UBE2K: variants seen among roughly 807,000 people sequenced by gnomAD.
The protein encoded by UBE2K is ubiquitin-conjugating enzyme E2 K.
A neutral mutation model predicts 30.0 loss-of-function variants in UBE2K; 6 were observed. The observed-to-expected ratio is 0.20, with a 90% CI of 0.11 to 0.39. The LOEUF (loss-of-function observed/expected upper bound fraction) is 0.39. UBE2K is among the 10% of genes least tolerant of loss of function. The pLI is 1.00. For synonymous variants in UBE2K, 86 were observed against 83.7 expected (o/e 1.03, Z -0.15); for missense variants, 61 against 241.6 (o/e 0.25, Z 4.96).
At chr4:39,748,620 C>CAA (rs33918227) in intron 3 of UBE2K, among the ~76,000 whole-genome samples, 57 of 123,502 alleles carry the variant, frequency 4.6e-4, no homozygotes, top group African/African-American at 1.0e-3. Context: ...TCTCTAGTCC[C>CAA]AAAAAAAAAA....
At chr4:39,752,851 TAAG>T (rs1370971086) in intron 3 of UBE2K, among the ~76,000 whole-genome samples, 2 of 151,774 alleles carry the variant, frequency 1.3e-5, no homozygotes, top group Non-Finnish European at 2.9e-5. Flanking sequence ...GATTTTCAGA[TAAG>T]AAATACTCAG....
chr4:39,755,891 A>G, intron 4 of UBE2K, 152 bp downstream of exon 4: 1 of 537,818 alleles, frequency 1.9e-6, no homozygotes. Context: ...CTGAAAATGC[A>G]TTATAATTGA....
chr4:39,752,127 ATG>A (rs1354580402), intron 3 of UBE2K, among the ~76,000 whole-genome samples: 1 of 151,936 alleles, frequency 6.6e-6, no homozygotes. Flanking sequence ...GGTTTTTTGT[ATG>A]TGTTTGTTTT....
chr4:39,710,256 T>TCTGA (rs1560340668), intron 1 of UBE2K: 2 of 58,170 alleles, frequency 3.4e-5, no homozygotes, highest in Non-Finnish European at 6.1e-5. Flanking sequence ...ATGCCTACTG[T>TCTGA]CTGATTGATT....
intron 4 of UBE2K, among the ~76,000 whole-genome samples, chr4:39,762,184 AAATAAT>A (rs138206643): frequency 1.5e-4 from 21 of 143,872 alleles, no homozygotes; most frequent in Admixed American, 2.1e-4. Context: ...CATCTCAGTA[AAATAAT>A]AATAATAATA....
intron 1 of UBE2K, among the ~76,000 whole-genome samples, chr4:39,715,916 T>C (rs1033879071): frequency 1.3e-5 from 2 of 152,150 alleles, no homozygotes; most frequent in Non-Finnish European, 2.9e-5. Flanking sequence ...TCTTAACTTC[T>C]GTACTCAGGT....
Position 39,755,679 on chromosome 4 carries a change from G to T in UBE2K, c.239G>T (p.Trp80Leu). Reference sequence around the variant, plus strand: ...TAGGTCCGGTTTATCACTAAAATATGGCATCCTAATATTAGTTCCGTCACA... The same window carrying T: ...TAGGTCCGGTTTATCACTAAAATATTGCATCCTAATATTAGTTCCGTCACA... ...PPKVRFITKI[W>L]HPNISSVTGA... is the part of the protein sequence containing the mutation. Residue 80 changes from tryptophan to leucine, a missense_variant, in exon 4 of 7, where the codon TGG becomes TTG. Physicochemically the swap from Trp to Leu is moderately conservative, Grantham distance 61 (BLOSUM62 -2). Coordinates refer to ENST00000261427, the MANE Select transcript of UBE2K (RefSeq NM_005339.5). 6.2e-7 allele frequency: 1 copy of T among 1,601,848 alleles called. No homozygotes were observed. The highest frequency in any genetic ancestry group is 8.5e-7 in the Non-Finnish European group (1 of 1,176,736).
chr4:39,750,742 TTTTTA>T (rs1721212914), intron 3 of UBE2K, among the ~76,000 whole-genome samples: 1 of 151,472 alleles, frequency 6.6e-6, no homozygotes, highest in African/African-American at 2.4e-5. Context: ...TTTTACAAAA[TTTTTA>T]TTTTATTTTA....
intron 1 of UBE2K, among the ~76,000 whole-genome samples, chr4:39,734,271 A>G (rs897343094): frequency 2.6e-5 from 4 of 151,844 alleles, no homozygotes; most frequent in African/African-American, 7.3e-5. Flanking sequence ...ATGCCCGGCT[A>G]ATTTTTCCGG....
chr4:39,744,334 A>G (rs1401823462), intron 2 of UBE2K, among the ~76,000 whole-genome samples: 3 of 151,448 alleles, frequency 2.0e-5, no homozygotes, highest in Admixed American at 1.3e-4. Flanking sequence ...CACCATGCCC[A>G]GCTAATTTTT....
At position 39,705,039 on chromosome 4, in the gene UBE2K, GT is replaced by G. The variant is rs548491541; in HGVS notation, c.63+6658del. Among the ~76,000 whole-genome samples the G allele has an allele frequency of 3.6e-3, 535 of 147,470 alleles. 9 individuals are homozygous for G. Among genetic ancestry groups the G allele is most frequent in the African/African-American group, 0.012 (494 of 40,082 alleles). ...GCATGTGCCAGCATGCATGGCTAAT[GT>G]TTTTTTTTGTTTTTTTTTGTTTTTG... On this transcript the variant is annotated intron_variant, in intron 1 of 6. Transcript: ENST00000261427.
intron 4 of UBE2K, among the ~76,000 whole-genome samples, chr4:39,757,689 G>T (rs1387147374): frequency 6.6e-6 from 1 of 152,156 alleles, no homozygotes; most frequent in African/African-American, 2.4e-5. Context: ...TTAAGTGTCA[G>T]TGTTTTTAAT....
chr4:39,778,069 G>A (rs1210802181), intron 6 of UBE2K, among the ~76,000 whole-genome samples: 1 of 113,348 alleles, frequency 8.8e-6, no homozygotes, highest in African/African-American at 3.5e-5. Context: ...CTGCACTCCA[G>A]CCTTGGTGAT....
At chr4:39,698,859 G>C (rs1379419869) in intron 1 of UBE2K, among the ~76,000 whole-genome samples, 1 of 152,172 alleles carries the variant, frequency 6.6e-6, no homozygotes, top group Non-Finnish European at 1.5e-5. Context: ...GGCCTTCACT[G>C]TTCTTTTCTT....
chr4:39,700,605 A>G (rs1365572985), intron 1 of UBE2K, among the ~76,000 whole-genome samples: 3 of 152,224 alleles, frequency 2.0e-5, no homozygotes, highest in African/African-American at 7.2e-5. Context: ...GACTTGTAGT[A>G]TAGTCCATGT....
At chr4:39,719,139 G>T (rs980149842) in intron 1 of UBE2K, among the ~76,000 whole-genome samples, 2 of 152,224 alleles carry the variant, frequency 1.3e-5, no homozygotes, top group African/African-American at 4.8e-5. Context: ...ACATACCTCA[G>T]ACTTTCAGTC....
chr4:39,700,088 G>A (rs1717923085), intron 1 of UBE2K, among the ~76,000 whole-genome samples: 1 of 152,086 alleles, frequency 6.6e-6, no homozygotes, highest in African/African-American at 2.4e-5. Context: ...AAACTTAATA[G>A]ACTTTTAATG....
At chr4:39,757,597 A>G (rs305826) in intron 4 of UBE2K, among the ~76,000 whole-genome samples, 28,109 of 152,094 alleles carry the variant, frequency 0.18, 4,588 homozygotes, top group African/African-American at 0.44. Context: ...ACTTTCTAAC[A>G]TAAAGCAGTG....
intron 4 of UBE2K, among the ~76,000 whole-genome samples, chr4:39,757,846 T>C (rs1341304946): frequency 6.6e-6 from 1 of 152,202 alleles, no homozygotes; most frequent in Non-Finnish European, 1.5e-5. Flanking sequence ...CACTCCCAGA[T>C]TCCTTAACCA....
Sources: allele counts gnomAD v4.1 joint callset (sites outside exome capture counted in the v4.1 genomes callset), GRCh38; gene constraint gnomAD v4.1.1; transcripts MANE v1.5; gene names NCBI Gene and HGNC (gene_info 2026-07-23, HGNC 2026-07-21).